DENND4A: variants seen among roughly 807,000 people sequenced by gnomAD.
DENND4A encodes the protein C-myc promoter-binding protein.
DENND4A carries 70 observed loss-of-function variants against 199.3 expected under a neutral mutation model. The observed-to-expected ratio is 0.35, with a 90% CI of 0.29 to 0.43. The LOEUF (loss-of-function observed/expected upper bound fraction) is 0.43, where lower values mean the gene tolerates loss of function less well. Among genes scored for constraint, DENND4A ranks in the 20% least tolerant of loss-of-function variants. The pLI, the probability that DENND4A is intolerant of heterozygous loss-of-function variation, is 1.00. For synonymous variants in DENND4A, 686 were observed against 766.9 expected (o/e 0.89, Z 1.74); for missense variants, 1,723 against 2,255.8 (o/e 0.76, Z 4.78).
chr15:65,735,581 A>T (rs1439810517), intron 7 of DENND4A, among the ~76,000 whole-genome samples: 2 of 152,212 alleles, frequency 1.3e-5, no homozygotes, highest in African/African-American at 4.8e-5. Context: ...GCAGTAAAAG[A>T]GTGTCAATAT....
At position 65,676,544 on chromosome 15, in the gene DENND4A, A is replaced by C. The variant is rs375571722; in HGVS notation, c.4270T>G (p.Leu1424Val). Residue 1424 changes from leucine (L) to valine (V), a missense_variant, in exon 24 of 33, where the codon TTG (leucine) becomes GTG (valine). Transcript: ENST00000443035. ...SLTDEDVCHELEGPISSQETS... is the reference protein window; with the variant it reads ...SLTDEDVCHEVEGPISSQETS... ...TCTTGAGAGGAGATAGGTCCTTCCA[A>C]CTCATGGCAGACATCTTCATCTGTT... 3 of 1,613,748 alleles carry C rather than the reference A, an allele frequency of 1.9e-6. No homozygotes were observed. The highest frequency in any genetic ancestry group is 2.5e-6 in the Non-Finnish European group (3 of 1,179,772).
intron 1 of DENND4A, among the ~76,000 whole-genome samples, chr15:65,775,272 G>A (rs947562292): frequency 5.9e-5 from 9 of 151,938 alleles, no homozygotes; most frequent in Non-Finnish European, 1.3e-4. Context: ...CTTGAGCCCA[G>A]GAGGTCAAGG....
At position 65,742,588 on chromosome 15, in the gene DENND4A, G is replaced by A. The variant is rs542302430; in HGVS notation, c.562-804C>T. ...ATTACAGGAACATGCCACCATGCCC[G>A]GCCAATTTTTGTATTTTTAGTAGAG... is the stretch of plus-strand genomic sequence containing the variant. On this transcript the variant is annotated intron_variant, in intron 4 of 32. Coordinates refer to ENST00000443035, the MANE Select transcript of DENND4A (RefSeq NM_001320835.1). Among the ~76,000 whole-genome samples the A allele has an allele frequency of 1.1e-4, 16 of 152,002 alleles. 1 individual carries two copies. The highest frequency in any genetic ancestry group is 9.2e-4 in the Admixed American group (14 of 15,264).
intron 4 of DENND4A, among the ~76,000 whole-genome samples, chr15:65,746,210 G>T (rs913403220): frequency 6.6e-6 from 1 of 150,642 alleles, no homozygotes; most frequent in East Asian, 1.9e-4. Flanking sequence ...GGTGAAAAAA[G>T]AAGGAGGCAT....
intron 1 of DENND4A, among the ~76,000 whole-genome samples, chr15:65,789,510 A>C (rs1596725232): frequency 1.3e-5 from 1 of 75,458 alleles, no homozygotes; most frequent in Non-Finnish European, 2.7e-5. Context: ...GTATTAGATT[A>C]AAAAAAAAAA....
At chr15:65,761,663 G>GA (rs968222439) in intron 1 of DENND4A, among the ~76,000 whole-genome samples, 48 of 145,816 alleles carry the variant, frequency 3.3e-4, no homozygotes, top group East Asian at 2.6e-3. Context: ...GAGGCAATGA[G>GA]AAAAAAAAAG....
At chr15:65,751,962 G>C (rs956599862) in intron 4 of DENND4A, among the ~76,000 whole-genome samples, 2 of 151,926 alleles carry the variant, frequency 1.3e-5, no homozygotes, top group African/African-American at 2.4e-5. Context: ...AGAAATATTT[G>C]CATGTTGGAG....
chr15:65,784,430 C>T (rs993226188), intron 1 of DENND4A, among the ~76,000 whole-genome samples: 1 of 148,552 alleles, frequency 6.7e-6, no homozygotes, highest in Admixed American at 6.7e-5. Context: ...CAGACACTGG[C>T]AACATGACGA....
chr15:65,720,001 C>G (rs1372741705), intron 12 of DENND4A, among the ~76,000 whole-genome samples: 3 of 152,128 alleles, frequency 2.0e-5, no homozygotes, highest in Non-Finnish European at 4.4e-5. Flanking sequence ...TCAAAGATGG[C>G]AGAGAATCTG....
At position 65,696,508 on chromosome 15, in the gene DENND4A, G is replaced by GA; in HGVS notation, c.2951-12dup. 6.3e-7 allele frequency: 1 copy of GA among 1,595,034 alleles called. No individual in the cohort carries two copies. On this transcript the variant is annotated splice_polypyrimidine_tract_variant and intron_variant, in intron 21 of 32. Transcript: ENST00000443035. Reference sequence around the variant, plus strand: ...TCTCACTCTCTGACACTGTAAAGATGAAAATGAAAATGTTAATAAAATGAA... The same window carrying GA: ...TCTCACTCTCTGACACTGTAAAGATGAAAAATGAAAATGTTAATAAAATGAA...
In DENND4A at chr15:65,722,842, A is replaced by G. The variant is rs1484332157; in HGVS notation, c.1588+6T>C. 1 of 1,584,978 alleles carries G rather than the reference A, an allele frequency of 6.3e-7. No individual in the cohort carries two copies. The highest frequency in any genetic ancestry group is 8.6e-7 in the Non-Finnish European group (1 of 1,166,412). On this transcript the variant is annotated splice_donor_region_variant and intron_variant, in intron 12 of 32. Coordinates refer to ENST00000443035, the MANE Select transcript of DENND4A (RefSeq NM_001320835.1). ...ATTACCTCCTTTAATTAAGTTATCCACTTACATTTTGCCAATTGCTGATGC... is the reference window on the plus strand; with the variant it reads ...ATTACCTCCTTTAATTAAGTTATCCGCTTACATTTTGCCAATTGCTGATGC...
chr15:65,752,711 T>A, intron 3 of DENND4A, 83 bp from the exon 4 acceptor site: 1 of 847,382 alleles, frequency 1.2e-6, no homozygotes, highest in Non-Finnish European at 1.8e-6. Flanking sequence ...AACTGATCCT[T>A]AAATGTAGTA....
At position 65,676,515 on chromosome 15, in the gene DENND4A, G is replaced by C; in HGVS notation, c.4299C>G (p.Thr1433=). ...TTCTCTTAGTCCCTGAAGTAGCACT[G>C]GTCTCTTGAGAGGAGATAGGTCCTT... ...ELEGPISSQE[T]SATSGTKRID... is the part of the protein sequence containing the mutation. Residue 1433 remains threonine, a synonymous_variant, in exon 24 of 33, where the codon ACC becomes ACG. Transcript: ENST00000443035. 3 of 1,613,608 alleles carry C rather than the reference G, an allele frequency of 1.9e-6. No homozygotes were observed. The highest frequency in any genetic ancestry group is 1.1e-5 in the South Asian group (1 of 91,030).
At chr15:65,677,105 GA>G (rs1218151974) in intron 23 of DENND4A, among the ~76,000 whole-genome samples, 3 of 151,952 alleles carry the variant, frequency 2.0e-5, no homozygotes, top group African/African-American at 4.8e-5. Flanking sequence ...ATTTTTACAC[GA>G]AAAAAATTTA....
rs61418354 is a variant in DENND4A, at chr15:65,752,281, C to CAAAAAAAAAAA, written c.561+87_561+97dup. 1.1e-5 allele frequency: 3 copies of CAAAAAAAAAAA among 271,170 alleles called. No individual in the cohort carries two copies. The African/African-American group carries it at 1.8e-4, about 16-fold the overall frequency. 16.8% of individuals were successfully genotyped at this position (271,170 alleles called of 1,614,324 possible). ...TCTGTAATTAAACTATGCTGTTTTC[C>CAAAAAAAAAAA]AAAAAAAAAAAAAAAAAAAAAAAAA... On this transcript the variant is annotated intron_variant, in intron 4 of 32. Transcript: ENST00000443035.
chr15:65,716,748 T>C (rs926994970), intron 13 of DENND4A, among the ~76,000 whole-genome samples: 11 of 151,874 alleles, frequency 7.2e-5, no homozygotes, highest in Admixed American at 5.3e-4. Context: ...TATAGTCCTT[T>C]GGGTATATAC....
At chr15:65,748,039 CAAAAAAAAAA>C (rs34813076) in intron 4 of DENND4A, among the ~76,000 whole-genome samples, 1 of 54,372 alleles carries the variant, frequency 1.8e-5, no homozygotes, top group African/African-American at 7.3e-5. Context: ...TACTCCGTCT[CAAAAAAAAAA>C]AAAAAAAAAA....
chr15:65,761,334 C>A (rs1469855665), intron 2 of DENND4A, 26 bp downstream of exon 2: 1 of 152,140 alleles, frequency 6.6e-6, no homozygotes, highest in Non-Finnish European at 1.5e-5. Flanking sequence ...TGAAACAAAT[C>A]AAAATGAAAG....
rs2076099155 is a variant in DENND4A, at chr15:65,668,089, T to G, written c.4822A>C (p.Ser1608Arg). The G allele has an allele frequency of 6.3e-7, 1 of 1,580,566 alleles. No individual in the cohort carries two copies. Among genetic ancestry groups the G allele is most frequent in the African/African-American group, 1.4e-5 (1 of 72,492 alleles). ...SKLQENFCTR[S>R]IQIPANRSKT... ...GATCTATTAGCAGGGATCTGAATACTTCGGGTGCAAAAATTTTCCTGCAGT... is the reference window on the plus strand; with the variant it reads ...GATCTATTAGCAGGGATCTGAATACGTCGGGTGCAAAAATTTTCCTGCAGT... The change falls in exon 28 of 33, where the codon AGT (serine) becomes CGT (arginine). Residue 1608 changes from serine to arginine, a missense_variant. Around this residue, in one of 6 missense-constraint regions of DENND4A, gnomAD observed 141 missense variants for 170.7 expected, o/e 0.83. Transcript: ENST00000443035.
Sources: gnomAD v4.1 joint callset for allele counts (sites outside exome capture counted in the v4.1 genomes callset) on GRCh38, gnomAD v4.1.1 for gene constraint, gnomAD v4.1.1 regional missense constraint, MANE v1.5 for transcripts, NCBI Gene and HGNC (gene_info 2026-07-23, HGNC 2026-07-21) for gene names.